Variants in CADM2 observed in about 807,000 individuals in gnomAD.
CADM2 encodes cell adhesion molecule 2, also known as immunoglobulin superfamily member 4D.
A neutral mutation model predicts 49.8 loss-of-function variants in CADM2; 12 were observed. That is an observed-to-expected ratio of 0.24 (90% confidence interval 0.15 to 0.39). The LOEUF is 0.39. CADM2 is among the 10% of genes least tolerant of loss of function. The pLI is 1.00. For synonymous variants in CADM2, 214 were observed against 175.4 expected (o/e 1.22, Z -1.74); for missense variants, 378 against 492.3 (o/e 0.77, Z 2.20).
At chr3:84,976,585 G>A (rs2031835126) in intron 1 of CADM2, among the ~76,000 whole-genome samples, 1 of 151,758 alleles carries the variant, frequency 6.6e-6, no homozygotes, top group Admixed American at 6.6e-5. Context: ...TGTCTTAGAA[G>A]TAAAGTTAGA....
intron 3 of CADM2, among the ~76,000 whole-genome samples, chr3:85,861,691 G>T (rs1281375121): frequency 6.6e-6 from 1 of 152,034 alleles, no homozygotes; most frequent in East Asian, 1.9e-4. Context: ...AGTAATAAGA[G>T]AAATTCAATG....
In CADM2 at chr3:85,632,776, A is replaced by G. The variant is rs576996623; in HGVS notation, c.62-93746A>G. ...CTATTAATTTATTTAGAGTCCCAGT[A>G]GAAACAAAACTTTTCTTTATAGAAG... is the stretch of plus-strand genomic sequence containing the variant. On this transcript the variant is annotated intron_variant, in intron 1 of 9. Transcript: ENST00000383699. 2.1e-3 allele frequency among the ~76,000 whole-genome samples: 312 copies of G among 152,192 alleles called. 1 individual carries two copies. The highest frequency in any genetic ancestry group is 7.3e-3 in the African/African-American group (303 of 41,548).
At chr3:85,740,201 C>A (rs1449445832) in intron 2 of CADM2, among the ~76,000 whole-genome samples, 1 of 152,158 alleles carries the variant, frequency 6.6e-6, no homozygotes, top group East Asian at 1.9e-4. Context: ...AAGTCTGTGT[C>A]TTTTGATATC....
chr3:85,945,699 G>A (rs1338153390), intron 7 of CADM2, among the ~76,000 whole-genome samples: 6 of 152,112 alleles, frequency 3.9e-5, no homozygotes, highest in South Asian at 2.1e-4. Context: ...CTCAATAGAT[G>A]CAGAAAAGGC....
At chr3:85,327,591 A>ACACACACAC (rs2044790350) in intron 1 of CADM2, among the ~76,000 whole-genome samples, 53 of 127,296 alleles carry the variant, frequency 4.2e-4, no homozygotes, top group South Asian at 9.5e-4. Flanking sequence ...CACACACACC[A>ACACACACAC]CACACACACA....
rs185469751 is a variant in CADM2 at position 85,440,877 on chromosome 3, G to A, written c.62-285645G>A. Among the ~76,000 whole-genome samples, 40 of 152,130 alleles carry A rather than the reference G, an allele frequency of 2.6e-4. No homozygotes were observed. In the East Asian group the frequency reaches 6.4e-3, roughly 24 times the overall value. On this transcript the variant is annotated intron_variant, in intron 1 of 9. Transcript: ENST00000383699. ...GGTGCCTGTAATCCCAGTTATTTAC[G>A]AGGCTGAGAGAGGAGAATAGCTTGA...
At chr3:85,603,226 TTGAC>T (rs1174829919) in intron 1 of CADM2, among the ~76,000 whole-genome samples, 5 of 151,894 alleles carry the variant, frequency 3.3e-5, no homozygotes, top group Non-Finnish European at 7.4e-5. Flanking sequence ...ATCTCCTACT[TTGAC>T]TGAACCATGT....
intron 1 of CADM2, among the ~76,000 whole-genome samples, chr3:85,010,692 G>T (rs953607831): frequency 4.0e-5 from 6 of 150,912 alleles, no homozygotes; most frequent in Non-Finnish European, 4.4e-5. Context: ...CCCTCCTATG[G>T]CAGGTATTAT....
At chr3:85,980,428 T>G (rs1727336599) in intron 8 of CADM2, among the ~76,000 whole-genome samples, 1 of 151,528 alleles carries the variant, frequency 6.6e-6, no homozygotes, top group Non-Finnish European at 1.5e-5. Context: ...AATTTTCCAT[T>G]TTTTAATAAT....
intron 1 of CADM2, among the ~76,000 whole-genome samples, chr3:85,318,689 A>C (rs60117233): frequency 0.073 from 11,085 of 152,192 alleles, 739 homozygotes; most frequent in African/African-American, 0.18. Flanking sequence ...AAGAAAATAC[A>C]CTTGCTTTAT....
At chr3:85,569,059 T>G (rs1308107479) in intron 1 of CADM2, among the ~76,000 whole-genome samples, 1 of 152,154 alleles carries the variant, frequency 6.6e-6, no homozygotes, top group African/African-American at 2.4e-5. Context: ...GATATTGACA[T>G]GGAAACAGTT....
chr3:85,033,164 A>G (rs959118183), intron 1 of CADM2, among the ~76,000 whole-genome samples: 5 of 152,300 alleles, frequency 3.3e-5, no homozygotes, highest in Admixed American at 6.5e-5. Context: ...TGATAAAGTC[A>G]CGTTGTTTTT....
intron 1 of CADM2, among the ~76,000 whole-genome samples, chr3:84,963,843 T>C (rs942682246): frequency 5.9e-5 from 9 of 152,116 alleles, no homozygotes; most frequent in South Asian, 2.1e-4. Context: ...ACTTTAGTCT[T>C]GGCAAGCTCA....
chr3:85,393,174 G>A (rs895684811), intron 1 of CADM2, among the ~76,000 whole-genome samples: 7 of 151,800 alleles, frequency 4.6e-5, no homozygotes, highest in Non-Finnish European at 7.4e-5. Context: ...ACTGTAAAGA[G>A]CTAATAAAAA....
At chr3:85,933,958 T>G (rs1397158530) in intron 6 of CADM2, among the ~76,000 whole-genome samples, 2 of 152,098 alleles carry the variant, frequency 1.3e-5, no homozygotes, top group Non-Finnish European at 2.9e-5. Context: ...TCTACCAACT[T>G]TAATGTTAAT....
intron 1 of CADM2, among the ~76,000 whole-genome samples, chr3:85,585,788 C>CACCATGTTA (rs1385549679): frequency 1.3e-5 from 2 of 151,950 alleles, no homozygotes; most frequent in Non-Finnish European, 2.9e-5. Flanking sequence ...TTTTAAATGT[C>CACCATGTTA]ACCATGTTAC....
intron 1 of CADM2, among the ~76,000 whole-genome samples, chr3:85,469,970 A>G (rs1442751367): frequency 6.6e-6 from 1 of 152,102 alleles, no homozygotes; most frequent in East Asian, 1.9e-4. Flanking sequence ...CGTTTTTGGA[A>G]GGGGAGGTGA....
At chr3:85,595,694 T>G (rs560071024) in intron 1 of CADM2, among the ~76,000 whole-genome samples, 1 of 152,132 alleles carries the variant, frequency 6.6e-6, no homozygotes, top group African/African-American at 2.4e-5. Flanking sequence ...CTGATACAGT[T>G]TCTGAATCTC....
chr3:85,296,182 A>T lies in CADM2; in HGVS notation c.61+336514A>T, dbSNP rs143775754. On this transcript the variant is annotated intron_variant, in intron 1 of 9. Coordinates refer to ENST00000383699, the MANE Select transcript of CADM2 (RefSeq NM_001167675.2). ...AATTATTACTGTATGCAGCAGTAAC[A>T]TTTGTCCAGAAAGACAAATGATGAC... Among the ~76,000 whole-genome samples the T allele has an allele frequency of 5.1e-3, 781 of 152,144 alleles. 2 individuals carry two copies. Among genetic ancestry groups the T allele is most frequent in the Non-Finnish European group, 8.4e-3 (568 of 67,960 alleles).
Sources: allele counts gnomAD v4.1 joint callset (sites outside exome capture counted in the v4.1 genomes callset), GRCh38; gene constraint gnomAD v4.1.1; transcripts MANE v1.5; gene names NCBI Gene and HGNC (gene_info 2026-07-23, HGNC 2026-07-21).